PCDH11X: variants seen among roughly 807,000 people sequenced by gnomAD.
PCDH11X encodes the protein protocadherin 11 X-linked.
PCDH11X carries 18 observed loss-of-function variants against 53.3 expected under a neutral mutation model. That is an observed-to-expected ratio of 0.34 (90% CI 0.23 to 0.50). The LOEUF is 0.50. Ranked by LOEUF, PCDH11X falls within the 20% of genes least tolerant of loss-of-function variation. The pLI is 0.98. For synonymous variants in PCDH11X, 279 were observed against 393.3 expected, an observed-to-expected ratio of 0.71 and a Z score of 3.44; for missense variants, 570 against 1,032.4, an observed-to-expected ratio of 0.55 and a Z score of 6.14.
chrX:92,324,794 C>T (rs1448880436), intron 8 of PCDH11X, among the ~76,000 whole-genome samples: 1 of 94,871 alleles, frequency 1.1e-5, no homozygotes, highest in Non-Finnish European at 2.1e-5. Flanking sequence ...AGCATGGTAC[C>T]CGATAAGCAG....
chrX:92,040,439 T>G (rs1162350117), intron 6 of PCDH11X, among the ~76,000 whole-genome samples: 1 of 108,566 alleles, frequency 9.2e-6, no homozygotes, highest in Non-Finnish European at 1.9e-5. Context: ...AGCAAGACTT[T>G]GCTCACCACT....
At chrX:92,012,009 G>A (rs1467390749) in intron 6 of PCDH11X, among the ~76,000 whole-genome samples, 4 of 111,049 alleles carry the variant, frequency 3.6e-5, no homozygotes, top group Non-Finnish European at 7.6e-5. Context: ...GGCAATTCTT[G>A]TTTTATGTGA....
intron 10 of PCDH11X, among the ~76,000 whole-genome samples, chrX:92,517,386 A>C (rs1252392152): frequency 9.8e-5 from 11 of 112,021 alleles, no homozygotes; most frequent in Middle Eastern, 4.6e-3. Context: ...ACATCACATT[A>C]CCATTCTTTT....
chrX:92,437,138 C>T (rs1042291648), intron 9 of PCDH11X, among the ~76,000 whole-genome samples: 1 of 110,365 alleles, frequency 9.1e-6, no homozygotes, highest in Admixed American at 9.7e-5. Context: ...CTACTCTGTA[C>T]GCACAAAAAT....
At chrX:92,592,734 AAAC>A (rs772694036) in intron 10 of PCDH11X, among the ~76,000 whole-genome samples, 1 of 112,087 alleles carries the variant, frequency 8.9e-6, no homozygotes, top group African/African-American at 3.2e-5. Context: ...CCGTCTCAGA[AAAC>A]AACAACAACA....
intron 9 of PCDH11X, among the ~76,000 whole-genome samples, chrX:92,429,284 A>G (rs964094691): frequency 6.3e-5 from 7 of 110,255 alleles, no homozygotes; most frequent in Non-Finnish European, 9.5e-5. Flanking sequence ...TACAGTTGTT[A>G]TGCTCTCAAT....
intron 7 of PCDH11X, among the ~76,000 whole-genome samples, chrX:92,213,999 C>T (rs2066639613): frequency 2.7e-5 from 3 of 111,722 alleles, no homozygotes; most frequent in East Asian, 2.8e-4. Context: ...CTTCTAGCAA[C>T]GTCTAGCACC....
intron 6 of PCDH11X, among the ~76,000 whole-genome samples, chrX:91,928,173 G>A (rs1474518274): frequency 9.3e-6 from 1 of 107,480 alleles, no homozygotes; most frequent in African/African-American, 3.4e-5. Context: ...GCTGCACTTA[G>A]TAACACTTCT....
At chrX:92,214,488 A>G (rs2066651441) in intron 7 of PCDH11X, among the ~76,000 whole-genome samples, 1 of 111,723 alleles carries the variant, frequency 9.0e-6, no homozygotes, top group Non-Finnish European at 1.9e-5. Context: ...CACATCTGTA[A>G]CTTGGGGGTA....
chrX:92,402,754 A>C (rs922172548), intron 9 of PCDH11X, among the ~76,000 whole-genome samples: 1 of 111,014 alleles, frequency 9.0e-6, no homozygotes, highest in Non-Finnish European at 1.9e-5. Context: ...AGTGCAACAA[A>C]AGCAAACATT....
At chrX:92,159,124 T>A (rs1020225386) in intron 6 of PCDH11X, among the ~76,000 whole-genome samples, 14 of 111,815 alleles carry the variant, frequency 1.3e-4, no homozygotes, top group Admixed American at 1.2e-3. Context: ...AATATAAATA[T>A]TAAAAAGTAA....
chrX:92,018,903 G>T (rs1443960013), intron 6 of PCDH11X, among the ~76,000 whole-genome samples: 22 of 112,220 alleles, frequency 2.0e-4, no homozygotes, highest in Non-Finnish European at 4.1e-4. Context: ...ATGAATCCTG[G>T]GCACATACAA....
At chrX:92,116,450 A>G (rs1342964098) in intron 6 of PCDH11X, among the ~76,000 whole-genome samples, 2 of 112,488 alleles carry the variant, frequency 1.8e-5, no homozygotes, top group African/African-American at 6.5e-5. Context: ...TGGAGGCCAA[A>G]ACTAATATTA....
At position 92,014,961 on chromosome X, in the gene PCDH11X, A is replaced by G. The variant is rs908516191; in HGVS notation, c.3033+135688A>G. Among the ~76,000 whole-genome samples, 19 of 111,031 alleles carry G rather than the reference A, an allele frequency of 1.7e-4. No homozygotes were observed. In the South Asian group the frequency reaches 2.7e-3, roughly 16 times the overall value. On this transcript the variant is annotated intron_variant, in intron 6 of 10. Transcript: ENST00000682573. ...AATGACGAGTTAATAGGTGCAGCAC[A>G]CCAACATGGCACATGTTTACATATG...
chrX:92,611,021 A>G (rs1305505161), intron 10 of PCDH11X, among the ~76,000 whole-genome samples: 1 of 110,907 alleles, frequency 9.0e-6, no homozygotes, highest in Non-Finnish European at 1.9e-5. Flanking sequence ...GTCTGAAGTC[A>G]GATAATGTGA....
chrX:92,318,106 T>A (rs2069120197), intron 8 of PCDH11X, among the ~76,000 whole-genome samples: 2 of 111,534 alleles, frequency 1.8e-5, no homozygotes, highest in Admixed American at 1.9e-4. Context: ...CTAAAAAAAA[T>A]TTAAGTCAAA....
chrX:92,170,542 T>C (rs1203299980), intron 6 of PCDH11X, among the ~76,000 whole-genome samples: 3 of 110,365 alleles, frequency 2.7e-5, no homozygotes, highest in Non-Finnish European at 5.7e-5. Flanking sequence ...AGATGAAGAA[T>C]TTTACCATGG....
At chrX:92,351,542 A>G (rs1314574702) in intron 8 of PCDH11X, among the ~76,000 whole-genome samples, 4 of 111,739 alleles carry the variant, frequency 3.6e-5, no homozygotes, top group Non-Finnish European at 7.5e-5. Flanking sequence ...AATGTTATTT[A>G]TAGTGTAATA....
At chrX:92,180,756 G>A (rs762058222) in intron 6 of PCDH11X, among the ~76,000 whole-genome samples, 3 of 111,673 alleles carry the variant, frequency 2.7e-5, no homozygotes, top group African/African-American at 6.5e-5. Flanking sequence ...ACAAGCTCTC[G>A]CTCTTTGCGA....
Sources: gnomAD v4.1 joint callset for allele counts (sites outside exome capture counted in the v4.1 genomes callset) on GRCh38, gnomAD v4.1.1 for gene constraint, MANE v1.5 for transcripts, NCBI Gene and HGNC (gene_info 2026-07-23, HGNC 2026-07-21) for gene names.